ITPR1: variants seen among roughly 807,000 people sequenced by gnomAD.
The protein encoded by ITPR1 is inositol 1,4,5-trisphosphate receptor type 1.
A neutral mutation model predicts 318.4 loss-of-function variants in ITPR1; 96 were observed. The ratio of observed to expected loss-of-function variants is 0.30; its 90% CI spans 0.26 to 0.36. The LOEUF is 0.36. Ranked by LOEUF, ITPR1 falls within the 10% of genes least tolerant of loss-of-function variation. The pLI is 1.00. For synonymous variants in ITPR1, 1,312 were observed against 1,289.9 expected, an observed-to-expected ratio of 1.02 and a Z score of -0.37; for missense variants, 2,440 against 3,460.2, an observed-to-expected ratio of 0.71 and a Z score of 7.40.
At chr3:4,669,232 GA>G (rs1374372951) in intron 18 of ITPR1, among the ~76,000 whole-genome samples, 1 of 152,170 alleles carries the variant, frequency 6.6e-6, no homozygotes, top group Non-Finnish European at 1.5e-5. Context: ...AAAGCACAGT[GA>G]AATTAGTAAT....
chr3:4,732,719 T>G (rs2043011720), intron 42 of ITPR1, among the ~76,000 whole-genome samples: 1 of 152,198 alleles, frequency 6.6e-6, no homozygotes, highest in African/African-American at 2.4e-5. Flanking sequence ...GAAATAACAT[T>G]TTTATATTGC....
chr3:4,844,782 A>C (rs2051634411), intron 61 of ITPR1, among the ~76,000 whole-genome samples: 1 of 152,242 alleles, frequency 6.6e-6, no homozygotes, highest in South Asian at 2.1e-4. Context: ...CCTTTTGGAA[A>C]TACTAAGTCC....
In ITPR1 at chr3:4,551,817, CA is replaced by C. The variant is rs985854747; in HGVS notation, c.163+30725del. On this transcript the variant is annotated intron_variant, in intron 4 of 61. Transcript: ENST00000649015. ...GTTATATAGCTGGTAAGTCAACAAG[CA>C]ATAGCTGCAACCAGTCGTATCTTAT... is the stretch of plus-strand genomic sequence containing the variant. Among the ~76,000 whole-genome samples, 193 of 152,348 alleles carry C rather than the reference CA, an allele frequency of 1.3e-3. 1 individual carries two copies. Among genetic ancestry groups the C allele is most frequent in the African/African-American group, 4.4e-3 (181 of 41,590 alleles).
intron 35 of ITPR1, 55 bp downstream of exon 35, chr3:4,699,996 G>A (rs761729700): frequency 7.7e-6 from 12 of 1,552,818 alleles, no homozygotes; most frequent in Non-Finnish European, 1.1e-5. Context: ...CTGCAGTTGG[G>A]CTTGATGTGA....
At chr3:4,793,959 C>T (rs933819885) in intron 52 of ITPR1, among the ~76,000 whole-genome samples, 1 of 152,204 alleles carries the variant, frequency 6.6e-6, no homozygotes, top group African/African-American at 2.4e-5. Flanking sequence ...GCTGCTGCTA[C>T]AAGCATTATT....
intron 44 of ITPR1, among the ~76,000 whole-genome samples, chr3:4,764,982 ATG>A: frequency 8.4e-6 from 1 of 119,588 alleles, no homozygotes; most frequent in Non-Finnish European, 1.8e-5. Flanking sequence ...GGATGGATGG[ATG>A]GATGGGTGAA....
chr3:4,652,440 G>A (rs1184686486), intron 11 of ITPR1, among the ~76,000 whole-genome samples: 4 of 152,168 alleles, frequency 2.6e-5, no homozygotes, highest in Non-Finnish European at 5.9e-5. Flanking sequence ...AAGATGTGGG[G>A]AGAAAGTAAG....
rs149954078 is a variant in ITPR1, at chr3:4,530,404, T to G, written c.163+9310T>G. 8.7e-3 allele frequency among the ~76,000 whole-genome samples: 1,329 copies of G among 152,306 alleles called. 18 individuals carry two copies. Among genetic ancestry groups the G allele is most frequent in the African/African-American group, 0.031 (1,270 of 41,556 alleles). ...CAGTGTTTTTGCTGACATTTTAAAT[T>G]GAATGGCCGCTGATCTTTTTACACT... On this transcript the variant is annotated intron_variant, in intron 4 of 61. Coordinates refer to ENST00000649015, the MANE Select transcript of ITPR1 (RefSeq NM_001378452.1).
At chr3:4,641,950 G>A (rs1334487867) in intron 6 of ITPR1, 143 bp from the exon 7 acceptor site, 41 of 547,192 alleles carry the variant, frequency 7.5e-5, no homozygotes, top group Admixed American at 1.8e-4. Flanking sequence ...ATCTGCAGCC[G>A]TAGGCACTTT....
chr3:4,679,783 G>T (rs761334895), intron 24 of ITPR1, among the ~76,000 whole-genome samples: 1 of 152,212 alleles, frequency 6.6e-6, no homozygotes, highest in Non-Finnish European at 1.5e-5. Context: ...GCCCTGGGAA[G>T]ATAGCAAATA....
chr3:4,821,835 GCT>G (rs1219134481), intron 60 of ITPR1, among the ~76,000 whole-genome samples: 1 of 152,070 alleles, frequency 6.6e-6, no homozygotes, highest in Non-Finnish European at 1.5e-5. Context: ...ACGTAAAGAA[GCT>G]CTGTCTTAAG....
At chr3:4,709,631 T>C (rs985485828) in intron 37 of ITPR1, among the ~76,000 whole-genome samples, 26 of 152,256 alleles carry the variant, frequency 1.7e-4, no homozygotes, top group African/African-American at 4.8e-4. Flanking sequence ...TGCCTTCAAA[T>C]GGTGTTTGTT....
At chr3:4,830,998 G>C (rs983723824) in intron 60 of ITPR1, 2 of 456,238 alleles carry the variant, frequency 4.4e-6, no homozygotes, top group African/African-American at 4.0e-5. Context: ...GTCTTTCTTA[G>C]AACAGCCTCT....
chr3:4,736,052 A>G (rs1484528265), intron 44 of ITPR1, among the ~76,000 whole-genome samples: 2 of 152,218 alleles, frequency 1.3e-5, no homozygotes. Context: ...TTAATAATAC[A>G]TAAATAACAT....
chr3:4,783,744 A>C, intron 50 of ITPR1, 72 bp from the exon 51 acceptor site: 1 of 1,188,676 alleles, frequency 8.4e-7, no homozygotes, highest in Non-Finnish European at 1.2e-6. Context: ...AATACCCAAC[A>C]TGAGAAAGGA....
At chr3:4,633,039 A>G (rs2093064405) in intron 5 of ITPR1, among the ~76,000 whole-genome samples, 1 of 148,556 alleles carries the variant, frequency 6.7e-6, no homozygotes, top group African/African-American at 2.5e-5. Flanking sequence ...CCCGGGTTCA[A>G]GCGATTTCCC....
intron 12 of ITPR1, 135 bp from the exon 13 acceptor site, chr3:4,657,989 T>C (rs2093751184): frequency 1.3e-6 from 1 of 762,582 alleles, no homozygotes; most frequent in Admixed American, 2.6e-5. Flanking sequence ...GACTGCTCTG[T>C]AACTGTGGTC....
At chr3:4,576,596 A>C (rs1407829764) in intron 4 of ITPR1, among the ~76,000 whole-genome samples, 1 of 152,238 alleles carries the variant, frequency 6.6e-6, no homozygotes, top group Non-Finnish European at 1.5e-5. Flanking sequence ...GAAACAATAA[A>C]TATGCCAGGC....
At chr3:4,639,801 C>T (rs371907161) in intron 6 of ITPR1, among the ~76,000 whole-genome samples, 1,911 of 152,020 alleles carry the variant, frequency 0.013, 52 homozygotes, top group African/African-American at 0.044. Flanking sequence ...CTTCCTACTT[C>T]GGTGAAAATT....
Sources: allele counts gnomAD v4.1 joint callset (sites outside exome capture counted in the v4.1 genomes callset), GRCh38; gene constraint gnomAD v4.1.1; transcripts MANE v1.5; gene names NCBI Gene and HGNC (gene_info 2026-07-23, HGNC 2026-07-21).